Variants in CSMD3 observed in about 807,000 individuals in gnomAD.
CSMD3 encodes the protein CUB and Sushi multiple domains 3, also known as CUB and sushi domain-containing protein 3.
CSMD3 carries 177 observed loss-of-function variants against 435.2 expected under a neutral mutation model. The ratio of observed to expected loss-of-function variants is 0.41; its 90% CI spans 0.36 to 0.46. The LOEUF is 0.46. Ranked by LOEUF, CSMD3 falls within the 20% of genes least tolerant of loss-of-function variation. The pLI is 0.34. For missense variants in CSMD3, 4,265 were observed against 4,504.6 expected, an observed-to-expected ratio of 0.95 and a Z score of 1.52; for synonymous variants, 1,656 against 1,520.5, an observed-to-expected ratio of 1.09 and a Z score of -2.07.
intron 2 of CSMD3, among the ~76,000 whole-genome samples, chr8:113,279,331 T>A (rs756023434): frequency 1.3e-5 from 2 of 150,354 alleles, no homozygotes; most frequent in African/African-American, 2.4e-5. Flanking sequence ...CTATTATCAA[T>A]TAAACACCCT....
At chr8:113,270,022 A>G (rs1192989090) in intron 3 of CSMD3, among the ~76,000 whole-genome samples, 3 of 151,622 alleles carry the variant, frequency 2.0e-5, no homozygotes, top group Non-Finnish European at 4.4e-5. Flanking sequence ...CAGAGTGAAC[A>G]GGCAACCTAC....
chr8:112,637,528 C>T (rs1164953429), intron 21 of CSMD3, among the ~76,000 whole-genome samples: 1 of 152,048 alleles, frequency 6.6e-6, no homozygotes, highest in Non-Finnish European at 1.5e-5. Flanking sequence ...CTGAAGTGAC[C>T]ACACATTGAA....
At chr8:113,289,944 T>C (rs999912942) in intron 2 of CSMD3, among the ~76,000 whole-genome samples, 1 of 151,768 alleles carries the variant, frequency 6.6e-6, no homozygotes, top group South Asian at 2.1e-4. Flanking sequence ...CTCTCGGTTT[T>C]AGCAAAACAT....
At chr8:113,257,896 A>AT (rs1407370813) in intron 3 of CSMD3, among the ~76,000 whole-genome samples, 2 of 151,654 alleles carry the variant, frequency 1.3e-5, no homozygotes, top group Non-Finnish European at 2.9e-5. Context: ...TAAGAAAAAA[A>AT]TTTTTTTTAA....
intron 43 of CSMD3, 137 bp downstream of exon 43, chr8:112,337,406 G>A: frequency 1.4e-6 from 1 of 728,810 alleles, no homozygotes; most frequent in Non-Finnish European, 2.4e-6. Flanking sequence ...TAGAGCCTTA[G>A]GGGTTTAAAA....
At chr8:113,365,507 A>C (rs1563749508) in intron 1 of CSMD3, among the ~76,000 whole-genome samples, 2 of 152,100 alleles carry the variant, frequency 1.3e-5, no homozygotes, top group Non-Finnish European at 2.9e-5. Context: ...AATGAAACTC[A>C]GAACTTAAAC....
At chr8:113,308,037 T>G (rs994399711) in intron 2 of CSMD3, among the ~76,000 whole-genome samples, 2 of 152,164 alleles carry the variant, frequency 1.3e-5, no homozygotes, top group Non-Finnish European at 2.9e-5. Context: ...TTTCTCTATT[T>G]TACAACTTTA....
At chr8:112,225,320 C>T (rs1298948002) in intron 70 of CSMD3, among the ~76,000 whole-genome samples, 1 of 151,498 alleles carries the variant, frequency 6.6e-6, no homozygotes, top group Non-Finnish European at 1.5e-5. Context: ...TATTATGCGC[C>T]AGTCATGATT....
At chr8:112,548,675 A>C (rs1197636960) in intron 27 of CSMD3, among the ~76,000 whole-genome samples, 4 of 152,150 alleles carry the variant, frequency 2.6e-5, no homozygotes, top group Non-Finnish European at 4.4e-5. Flanking sequence ...ACCCATCAAG[A>C]CTTCATTCAT....
At chr8:112,397,940 A>G (rs1359035717) in intron 35 of CSMD3, among the ~76,000 whole-genome samples, 2 of 152,212 alleles carry the variant, frequency 1.3e-5, no homozygotes, top group Admixed American at 1.3e-4. Flanking sequence ...TCATCTAAAT[A>G]TCATGTCAAT....
At chr8:112,973,962 A>G (rs928879277) in intron 7 of CSMD3, among the ~76,000 whole-genome samples, 2 of 151,906 alleles carry the variant, frequency 1.3e-5, no homozygotes, top group Middle Eastern at 3.2e-3. Flanking sequence ...TGAAAAATAA[A>G]TGAGGAATAC....
intron 13 of CSMD3, among the ~76,000 whole-genome samples, chr8:112,743,304 AAAAAT>A (rs1309682661): frequency 1.3e-5 from 2 of 151,860 alleles, no homozygotes; most frequent in African/African-American, 4.8e-5. Context: ...ACCAAAAAAA[AAAAAT>A]AAATAAATAA....
chr8:112,323,413 C>A (rs1208881824), intron 45 of CSMD3, among the ~76,000 whole-genome samples: 1 of 151,998 alleles, frequency 6.6e-6, no homozygotes, highest in Non-Finnish European at 1.5e-5. Flanking sequence ...AAAATTCATG[C>A]CTTTCCTGGA....
intron 24 of CSMD3, among the ~76,000 whole-genome samples, chr8:112,571,907 A>T: frequency 6.6e-6 from 1 of 151,778 alleles, no homozygotes; most frequent in South Asian, 2.1e-4. Context: ...AAAGAAAGAA[A>T]ATAAAAGAAA....
intron 7 of CSMD3, among the ~76,000 whole-genome samples, chr8:112,970,068 T>C (rs1000464421): frequency 1.3e-5 from 2 of 152,026 alleles, no homozygotes; most frequent in Non-Finnish European, 2.9e-5. Flanking sequence ...TTTCTGCCAG[T>C]CCATAATTTT....
intron 61 of CSMD3, chr8:112,255,693 T>G: frequency 2.2e-6 from 1 of 446,890 alleles, no homozygotes; most frequent in Non-Finnish European, 4.0e-6. Flanking sequence ...TTTTGTACTT[T>G]TGTCGTTTTG....
chr8:113,069,365 A>T (rs2131396336), intron 5 of CSMD3, among the ~76,000 whole-genome samples: 1 of 152,262 alleles, frequency 6.6e-6, no homozygotes, highest in East Asian at 1.9e-4. Context: ...AGTGCCCACT[A>T]AATTCTGGTG....
rs531772587 is a variant in CSMD3 at position 112,647,473 on chromosome 8, A to AT, written c.3194-2249dup. Among the ~76,000 whole-genome samples the AT allele has an allele frequency of 2.5e-3, 378 of 151,880 alleles. 1 individual carries two copies. Among genetic ancestry groups the AT allele is most frequent in the Middle Eastern group, 3.4e-3 (1 of 292 alleles). ...TGGCGCTCGCCACCACGCCCGGCTA[A>AT]TTTTTTTGTATTTTTGGTAGAGACA... On this transcript the variant is annotated intron_variant, in intron 19 of 70. Coordinates refer to ENST00000297405, the MANE Select transcript of CSMD3 (RefSeq NM_198123.2).
intron 18 of CSMD3, among the ~76,000 whole-genome samples, chr8:112,652,396 T>TA (rs535888864): frequency 8.4e-4 from 128 of 152,270 alleles, no homozygotes; most frequent in Non-Finnish European, 1.6e-3. Context: ...AACATTGTAG[T>TA]AAAATCGTCT....
Sources: gnomAD v4.1 joint callset for allele counts (sites outside exome capture counted in the v4.1 genomes callset) on GRCh38, gnomAD v4.1.1 for gene constraint, MANE v1.5 for transcripts, NCBI Gene and HGNC (gene_info 2026-07-23, HGNC 2026-07-21) for gene names.